SALL4: variants seen among roughly 807,000 people sequenced by gnomAD.
SALL4 encodes sal-like protein 4.
A neutral mutation model predicts 60.8 loss-of-function variants in SALL4; 4 were observed. The ratio of observed to expected loss-of-function variants is 0.07; its 90% CI spans 0.03 to 0.15. SALL4 has a LOEUF of 0.15. Ranked by LOEUF, SALL4 falls within the 10% of genes least tolerant of loss-of-function variation. The pLI, the probability that SALL4 is intolerant of heterozygous loss-of-function variation, is 1.00. For synonymous variants in SALL4, 580 were observed against 574.9 expected, an observed-to-expected ratio of 1.01 and a Z score of -0.13; for missense variants, 1,178 against 1,394.7, an observed-to-expected ratio of 0.84 and a Z score of 2.48.
At position 51,802,266 on chromosome 20, in the gene SALL4, C is replaced by T. The variant is rs1215607152; in HGVS notation, c.130+13G>A. The stretch of plus-strand genomic sequence containing the variant: ...AGCTCCCCTCCCCGGGCGGGCGCCC[C>T]AGCCCCACTCACCCAGCTCCCCCGC... On this transcript the variant is annotated intron_variant, in intron 1 of 3. Transcript: ENST00000217086. 1 of 1,595,654 alleles carries T rather than the reference C, an allele frequency of 6.3e-7. No individual in the cohort carries two copies. Among genetic ancestry groups the T allele is most frequent in the East Asian group, 2.3e-5 (1 of 44,382 alleles).
Position 51,784,405 on chromosome 20 carries a change from C to A in SALL4, c.3022G>T (p.Val1008Leu). The A allele has an allele frequency of 6.2e-7, 1 of 1,614,170 alleles. No individual in the cohort carries two copies. Among genetic ancestry groups the A allele is most frequent in the Non-Finnish European group, 8.5e-7 (1 of 1,180,036 alleles). Reference sequence around the variant, plus strand: ...ATCTTGGAGACAGTGGCGTTATTCACAACGGAGGTGGCCCCCAAGGAAACC... The same window carrying A: ...ATCTTGGAGACAGTGGCGTTATTCAAAACGGAGGTGGCCCCCAAGGAAACC... ...LPVSLGATSV[V>L]NNATVSKMDG... The change falls in exon 4 of 4, where the codon GTG becomes TTG. Residue 1008 changes from valine to leucine, a missense_variant. This residue lies in a region of SALL4 where 174 missense variants were observed against 169.6 expected (regional missense o/e 1.03). Transcript: ENST00000217086.
Position 51,790,362 on chromosome 20 carries a change from C to T in SALL4, c.2121G>A (p.Lys707=), listed in dbSNP as rs754151224. 6 of 1,613,996 alleles carry T rather than the reference C, an allele frequency of 3.7e-6. No homozygotes were observed. In the East Asian group the frequency reaches 1.3e-4, roughly 36 times the overall value. The part of the protein sequence containing the change: ...SSQEAPSSSS[K]VPTPLPSIHS... ...GGATGCTGGGAAGAGGCGTGGGGAC[C>T]TTGGAGGAGCTGCTGGGAGCCTCCT... Residue 707 remains lysine, a synonymous_variant, in exon 2 of 4, where the codon AAG becomes AAA. Coordinates refer to ENST00000217086, the MANE Select transcript of SALL4 (RefSeq NM_020436.5). This position sits in a 1 kb window ranked among gnomAD's most constrained non-coding sequence, Gnocchi z 5.5.
At position 51,801,138 on chromosome 20, in the gene SALL4, CGCTAAAAACTTATCAG is replaced by C. The variant is rs2078107157; in HGVS notation, c.130+1125_130+1140del. Among the ~76,000 whole-genome samples the C allele has an allele frequency of 6.6e-6, 1 of 152,036 alleles. No individual in the cohort carries two copies. The highest frequency in any genetic ancestry group is 2.1e-4 in the South Asian group (1 of 4,824). On this transcript the variant is annotated intron_variant, in intron 1 of 3. Transcript: ENST00000217086. The surrounding 1 kb of genome is among the most constrained non-coding windows in gnomAD (Gnocchi z 5.2). ...CAAATCCCCCCTCCCCCCACGCGCA[CGCTAAAAACTTATCAG>C]GCGACAATTTGGCGGGCCGGGATGG...
chr20:51,784,484 G>A lies in SALL4; in HGVS notation c.2943C>T (p.Ala981=), dbSNP rs375677541. 97 of 1,614,156 alleles carry A rather than the reference G, an allele frequency of 6.0e-5. No homozygotes were observed. The highest frequency in any genetic ancestry group is 3.7e-4 in the African/African-American group (28 of 75,032). ...TCACAGAGATCTCATTGGTCTTCAC[G>A]GCCAGACCGCCATTGAGCATGCTGG... ...QYTSMLNGGL[A]VKTNEISVIQ... is the part of the protein sequence containing the mutation. The change falls in exon 4 of 4, where the codon GCC becomes GCT. Residue 981 remains alanine, a synonymous_variant. Transcript: ENST00000217086.
chr20:51,800,955 A>G (rs2078106088), intron 1 of SALL4, among the ~76,000 whole-genome samples: 1 of 152,216 alleles, frequency 6.6e-6, no homozygotes, highest in Non-Finnish European at 1.5e-5. Flanking sequence ...AGGCGGGGAT[A>G]CGGAAGCCAA....
intron 1 of SALL4, chr20:51,797,407 T>G (rs2078085155): frequency 6.6e-6 from 1 of 151,818 alleles, no homozygotes; most frequent in Admixed American, 6.6e-5. Flanking sequence ...GTTCCCAGAG[T>G]GATTTACAGC....
chr20:51,785,885 G>A (rs1466419539), intron 3 of SALL4, among the ~76,000 whole-genome samples: 6 of 151,868 alleles, frequency 4.0e-5, no homozygotes, highest in African/African-American at 2.4e-5. Context: ...CTCGTGGTCC[G>A]CCTGCCTCGG....
rs1344565346 is a variant in SALL4, at chr20:51,790,731, A to G, written c.1752T>C (p.His584=). 27 of 1,613,946 alleles carry G rather than the reference A, an allele frequency of 1.7e-5. No individual in the cohort carries two copies. Among genetic ancestry groups the G allele is most frequent in the Non-Finnish European group, 1.9e-5 (23 of 1,180,034 alleles). Residue 584 remains histidine, a synonymous_variant, in exon 2 of 4, where the codon CAT becomes CAC. Coordinates refer to ENST00000217086, the MANE Select transcript of SALL4 (RefSeq NM_020436.5). This position sits in a 1 kb window ranked among gnomAD's most constrained non-coding sequence, Gnocchi z 5.5. ...VLSCQSSLKM[H]YRTHTGERPF... ...GTCTCTCCCCGGTGTGGGTGCGATAATGCATCTTGAGGGAGCTCTGACAGC... is the reference window on the plus strand; with the variant it reads ...GTCTCTCCCCGGTGTGGGTGCGATAGTGCATCTTGAGGGAGCTCTGACAGC...
rs759061679 is a variant in SALL4 at position 51,791,396 on chromosome 20, G to A, written c.1087C>T (p.Pro363Ser). The change falls in exon 2 of 4, where the codon CCA becomes TCA. Residue 363 changes from proline to serine, a missense_variant. By Grantham distance (74) the Pro-to-Ser change is moderately conservative (BLOSUM62 -1). This residue lies in a region of SALL4 where 853 missense variants were observed against 1,036.8 expected (regional missense o/e 0.82). Coordinates refer to ENST00000217086, the MANE Select transcript of SALL4 (RefSeq NM_020436.5). The surrounding 1 kb of genome is among the most constrained non-coding windows in gnomAD (Gnocchi z 4.6). ...LDTSKKGKGKPPNISAVDVKP... is the reference protein window; with the variant it reads ...LDTSKKGKGKSPNISAVDVKP... The stretch of plus-strand genomic sequence containing the variant: ...ACATCCACCGCGGAGATGTTCGGTG[G>A]CTTCCCCTTCCCTTTCTTGGATGTG... 6.8e-6 allele frequency: 11 copies of A among 1,614,092 alleles called. No homozygotes were observed. The highest frequency in any genetic ancestry group is 3.3e-5 in the Admixed American group (2 of 59,996).
In SALL4 at chr20:51,802,417, C is replaced by A; in HGVS notation, c.-9G>T. On this transcript the variant is annotated 5_prime_UTR_variant, in exon 1 of 4. It removes an upstream start codon present in the reference 5' UTR. Coordinates refer to ENST00000217086, the MANE Select transcript of SALL4 (RefSeq NM_020436.5). ...TGCTTGCGCCTCGACATGGTGCGAG[C>A]ATCGGGGCGCCGGGAGAGCCGCAGT... The A allele has an allele frequency of 6.2e-7, 1 of 1,612,592 alleles. No homozygotes were observed. The highest frequency in any genetic ancestry group is 8.5e-7 in the Non-Finnish European group (1 of 1,179,900).
At position 51,802,456 on chromosome 20, in the gene SALL4, C is replaced by T. The variant is rs1178238233; in HGVS notation, c.-48G>A. On this transcript the variant is annotated 5_prime_UTR_variant, in exon 1 of 4. Transcript: ENST00000217086. The stretch of plus-strand genomic sequence containing the variant: ...GAGAGCCGCAGTTATTTGCCCTCTC[C>T]GCCACAAATTCCTGGAGTTGGGAAA... 3 of 1,611,524 alleles carry T rather than the reference C, an allele frequency of 1.9e-6. No homozygotes were observed. The highest frequency in any genetic ancestry group is 2.5e-6 in the Non-Finnish European group (3 of 1,179,470).
intron 3 of SALL4, among the ~76,000 whole-genome samples, chr20:51,786,376 G>A (rs2122955549): frequency 6.6e-6 from 1 of 152,274 alleles, no homozygotes; most frequent in African/African-American, 2.4e-5. Context: ...TTACAGGCGT[G>A]AGCCACTGCA....
In SALL4 at chr20:51,799,006, A is replaced by G. The variant is rs534708727; in HGVS notation, c.130+3273T>C. Reference sequence around the variant, plus strand: ...ATTTAAAATGAGTAAAAACATGACTATCACTTTTGGTCTTTAATATCTTGA... The same window carrying G: ...ATTTAAAATGAGTAAAAACATGACTGTCACTTTTGGTCTTTAATATCTTGA... On this transcript the variant is annotated intron_variant, in intron 1 of 3. Transcript: ENST00000217086. Among the ~76,000 whole-genome samples, 17 of 152,266 alleles carry G rather than the reference A, an allele frequency of 1.1e-4. No individual in the cohort carries two copies. In the East Asian group the frequency reaches 2.9e-3, roughly 26 times the overall value.
Position 51,791,692 on chromosome 20 carries a change from A to C in SALL4, c.791T>G (p.Met264Arg). The C allele has an allele frequency of 1.2e-6, 2 of 1,614,214 alleles. No homozygotes were observed. Among genetic ancestry groups the C allele is most frequent in the Non-Finnish European group, 1.7e-6 (2 of 1,180,050 alleles). Residue 264 changes from methionine (M) to arginine (R), a missense_variant, in exon 2 of 4, where the codon ATG becomes AGG. Physicochemically the swap from Met to Arg is moderately conservative, Grantham distance 91. Coordinates refer to ENST00000217086, the MANE Select transcript of SALL4 (RefSeq NM_020436.5). This position sits in a 1 kb window ranked among gnomAD's most constrained non-coding sequence, Gnocchi z 4.6. ...CACAGCTGCAGAAACCTGCTGAGACATGTGGCTGCCCAAGGTCTTCAGAGT... is the reference window on the plus strand; with the variant it reads ...CACAGCTGCAGAAACCTGCTGAGACCTGTGGCTGCCCAAGGTCTTCAGAGT... ...ADTLKTLGSH[M>R]SQQVSAAVAL...
rs765006844 is a variant in SALL4 at position 51,784,377 on chromosome 20, T to A, written c.3050A>T (p.Asp1017Val). The A allele has an allele frequency of 1.9e-6, 3 of 1,614,178 alleles. No individual in the cohort carries two copies. The highest frequency in any genetic ancestry group is 1.7e-6 in the Non-Finnish European group (2 of 1,180,034). The change falls in exon 4 of 4, where the codon GAT (aspartate) becomes GTT (valine). Residue 1017 changes from aspartate to valine, a missense_variant. By Grantham distance (152) the Asp-to-Val change is radical (BLOSUM62 -3). Transcript: ENST00000217086. ...VVNNATVSKM[D>V]GSQSGISADV... is the part of the protein sequence containing the mutation. ...TGCACTGATACCCGACTGGGAGCCA[T>A]CCATCTTGGAGACAGTGGCGTTATT...
At position 51,792,364 on chromosome 20, in the gene SALL4, C is replaced by T; in HGVS notation, c.131-12G>A. ...GTTCACTGGAGCACCTGTAACAAGA[C>T]AGAAAAAGCTAAGGACTCTGCCCAA... On this transcript the variant is annotated splice_polypyrimidine_tract_variant and intron_variant, in intron 1 of 3. Transcript: ENST00000217086. 1 of 1,600,864 alleles carries T rather than the reference C, an allele frequency of 6.2e-7. No homozygotes were observed. Among genetic ancestry groups the T allele is most frequent in the South Asian group, 1.1e-5 (1 of 91,078 alleles).
In SALL4 at chr20:51,790,734, C is replaced by A. The variant is rs374228887; in HGVS notation, c.1749G>T (p.Met583Ile). The change falls in exon 2 of 4, where the codon ATG becomes ATT. Residue 583 changes from methionine to isoleucine, a missense_variant. Met to Ile is a conservative substitution (Grantham distance 10). Transcript: ENST00000217086. This position sits in a 1 kb window ranked among gnomAD's most constrained non-coding sequence, Gnocchi z 5.5. ...TCTCCCCGGTGTGGGTGCGATAATG[C>A]ATCTTGAGGGAGCTCTGACAGCTTA... ...RVLSCQSSLK[M>I]HYRTHTGERP... 3.1e-5 allele frequency: 50 copies of A among 1,613,948 alleles called. No homozygotes were observed. The highest frequency in any genetic ancestry group is 2.2e-5 in the Non-Finnish European group (26 of 1,180,042).
Position 51,783,663 on chromosome 20 carries a change from A to G in SALL4, c.*602T>C, listed in dbSNP as rs2077968775. On this transcript the variant is annotated 3_prime_UTR_variant, in exon 4 of 4. Coordinates refer to ENST00000217086, the MANE Select transcript of SALL4 (RefSeq NM_020436.5). ...TCACTCTAGGTTGTACAAAGGTTCT[A>G]TGTATACGTCTGTTACAAGTAACAA... 6.4e-6 allele frequency: 1 copy of G among 156,624 alleles called. No individual in the cohort carries two copies. Among genetic ancestry groups the G allele is most frequent in the African/African-American group, 2.4e-5 (1 of 41,272 alleles). The allele number at this position is 156,624 out of a possible 1,614,324, so 9.7% of individuals were successfully genotyped here. A position where few individuals can be genotyped will look rare whatever the true frequency, so the allele number is the denominator to read the frequency against.
At position 51,788,616 on chromosome 20, in the gene SALL4, G is replaced by A. The variant is rs191684177; in HGVS notation, c.2742+245C>T. Among the ~76,000 whole-genome samples the A allele has an allele frequency of 4.4e-3, 663 of 152,230 alleles. 3 individuals are homozygous for A. The highest frequency in any genetic ancestry group is 7.2e-3 in the Non-Finnish European group (489 of 68,018). On this transcript the variant is annotated intron_variant, in intron 3 of 3. Transcript: ENST00000217086. This position sits in a 1 kb window ranked among gnomAD's most constrained non-coding sequence, Gnocchi z 4.1. The stretch of plus-strand genomic sequence containing the variant: ...TGAGGCAGGAGAATGGCATGAACCC[G>A]GGAGGAGGAGCTTGCAGTGAGCTTG...
Sources: gnomAD v4.1 joint callset for allele counts (sites outside exome capture counted in the v4.1 genomes callset) on GRCh38, gnomAD v4.1.1 for gene constraint, gnomAD v4.1.1 regional missense constraint, Gnocchi (gnomAD v3.1) non-coding constraint, MANE v1.5 for transcripts, NCBI Gene and HGNC (gene_info 2026-07-23, HGNC 2026-07-21) for gene names.